Variants in GSG1L observed in about 807,000 individuals in gnomAD.
GSG1L encodes germ cell-specific gene 1-like protein.
In GSG1L, 24 loss-of-function variants were observed where a neutral mutation model predicts 42.1. The ratio of observed to expected loss-of-function variants is 0.57; its 90% CI spans 0.41 to 0.80. GSG1L has a LOEUF of 0.80. Ranked by LOEUF, GSG1L falls within the 30% of genes least tolerant of loss-of-function variation. GSG1L has a pLI of 0.00. For synonymous variants in GSG1L, 215 were observed against 203.5 expected (o/e 1.06, Z -0.48); for missense variants, 445 against 472.2 (o/e 0.94, Z 0.53).
intron 4 of GSG1L, among the ~76,000 whole-genome samples, chr16:27,830,221 T>C (rs1489345266): frequency 6.6e-6 from 1 of 152,200 alleles, no homozygotes; most frequent in African/African-American, 2.4e-5. Context: ...TGGATCCCTG[T>C]TCTTCAGTCT....
At chr16:27,832,587 GC>G (rs1373248811) in intron 4 of GSG1L, among the ~76,000 whole-genome samples, 1 of 152,196 alleles carries the variant, frequency 6.6e-6, no homozygotes, top group African/African-American at 2.4e-5. Context: ...ATTCCTGCCA[GC>G]AATGTATGAG....
At chr16:27,964,110 T>C (rs1596657853) in intron 1 of GSG1L, among the ~76,000 whole-genome samples, 1 of 152,010 alleles carries the variant, frequency 6.6e-6, no homozygotes, top group African/African-American at 2.4e-5. Flanking sequence ...GGCGGGCGGA[T>C]CATGAGGTCA....
Position 27,789,559 on chromosome 16 carries a change from C to A in GSG1L, c.*1811G>T, listed in dbSNP as rs913227247. ...TAAATAATGGATAAATGAAGAAATGCATAATGGTTGAATGGATAAGGGATG... is the reference window on the plus strand; with the variant it reads ...TAAATAATGGATAAATGAAGAAATGAATAATGGTTGAATGGATAAGGGATG... On this transcript the variant is annotated 3_prime_UTR_variant, in exon 7 of 7. Coordinates refer to ENST00000447459, the MANE Select transcript of GSG1L (RefSeq NM_001109763.2). 7.4e-5 allele frequency: 11 copies of A among 148,806 alleles called. No individual in the cohort carries two copies. Among genetic ancestry groups the A allele is most frequent in the Admixed American group, 6.7e-5 (1 of 14,996 alleles). 9.2% of individuals were successfully genotyped at this position (148,806 alleles called of 1,614,324 possible).
intron 1 of GSG1L, among the ~76,000 whole-genome samples, chr16:27,986,337 T>C (rs1454884828): frequency 6.6e-6 from 1 of 151,938 alleles, no homozygotes; most frequent in Non-Finnish European, 1.5e-5. Flanking sequence ...CCATCTCTAC[T>C]GAAAATACAA....
chr16:27,973,310 C>T (rs780730280), intron 1 of GSG1L, among the ~76,000 whole-genome samples: 4 of 151,554 alleles, frequency 2.6e-5, no homozygotes, highest in Non-Finnish European at 4.4e-5. Context: ...ATTACCCGGG[C>T]GTGGTTGTGC....
rs147189120 is a variant in GSG1L at position 27,926,023 on chromosome 16, T to A, written c.397+37133A>T. On this transcript the variant is annotated intron_variant, in intron 2 of 6. Coordinates refer to ENST00000447459, the MANE Select transcript of GSG1L (RefSeq NM_001109763.2). ...ATGGTAAAATTTGGGAAGCGTGCTC[T>A]GTGAAAGTTTTTGTTTGTTAATTGA... Among the ~76,000 whole-genome samples, 249 of 152,366 alleles carry A rather than the reference T, an allele frequency of 1.6e-3. 1 individual carries two copies. Among genetic ancestry groups the A allele is most frequent in the African/African-American group, 5.5e-3 (230 of 41,592 alleles).
intron 2 of GSG1L, chr16:27,888,103 T>C (rs1234312526): frequency 5.1e-6 from 5 of 985,456 alleles, no homozygotes; most frequent in Non-Finnish European, 6.0e-6. Flanking sequence ...CCAGCCCCTG[T>C]TGGTGCTGGC....
chr16:27,800,371 C>T (rs945917237), intron 6 of GSG1L, among the ~76,000 whole-genome samples: 6 of 152,182 alleles, frequency 3.9e-5, no homozygotes, highest in African/African-American at 1.2e-4. Context: ...GCCACCTCCG[C>T]GCCCAGCATG....
At chr16:27,832,950 A>C (rs1174026861) in intron 4 of GSG1L, among the ~76,000 whole-genome samples, 1 of 152,224 alleles carries the variant, frequency 6.6e-6, no homozygotes, top group East Asian at 1.9e-4. Context: ...CTCTTGTGGA[A>C]CAAATGTATT....
intron 1 of GSG1L, among the ~76,000 whole-genome samples, chr16:27,971,650 A>G (rs1032293374): frequency 1.3e-5 from 2 of 152,088 alleles, no homozygotes; most frequent in Admixed American, 1.3e-4. Flanking sequence ...TTCTTGCCTA[A>G]TTGCTTTGGC....
At chr16:27,885,541 A>AT (rs908134036) in intron 2 of GSG1L, among the ~76,000 whole-genome samples, 1 of 151,464 alleles carries the variant, frequency 6.6e-6, no homozygotes, top group Non-Finnish European at 1.5e-5. Flanking sequence ...CCTACCCCAC[A>AT]TTTTTTCTAG....
At chr16:28,022,346 G>A (rs959592378) in intron 1 of GSG1L, among the ~76,000 whole-genome samples, 1 of 152,094 alleles carries the variant, frequency 6.6e-6, no homozygotes, top group Non-Finnish European at 1.5e-5. Flanking sequence ...TTTTTTAGGA[G>A]ACAAGGTCTC....
intron 1 of GSG1L, among the ~76,000 whole-genome samples, chr16:27,973,074 T>G (rs1567540343): frequency 6.6e-6 from 1 of 152,140 alleles, no homozygotes; most frequent in Non-Finnish European, 1.5e-5. Context: ...ATTTCCTTGT[T>G]GGCGAAATGG....
At chr16:27,816,664 C>T (rs1002399059) in intron 5 of GSG1L, among the ~76,000 whole-genome samples, 1 of 152,180 alleles carries the variant, frequency 6.6e-6, no homozygotes, top group Non-Finnish European at 1.5e-5. Context: ...ACTGAAGGGA[C>T]CTCTATGACA....
intron 6 of GSG1L, among the ~76,000 whole-genome samples, chr16:27,804,170 G>A (rs1433109753): frequency 6.6e-6 from 1 of 151,758 alleles, no homozygotes; most frequent in African/African-American, 2.4e-5. Context: ...CCCTGCTGCA[G>A]AATCAACTTC....
At chr16:28,034,256 TCCC>T (rs2086005825) in intron 1 of GSG1L, among the ~76,000 whole-genome samples, 1 of 115,436 alleles carries the variant, frequency 8.7e-6, no homozygotes, top group Non-Finnish European at 1.7e-5. Context: ...TCCCATCCCA[TCCC>T]ATCCCATCCC....
chr16:28,028,512 A>G (rs2085924481), intron 1 of GSG1L, among the ~76,000 whole-genome samples: 1 of 151,896 alleles, frequency 6.6e-6, no homozygotes. Context: ...CAATATAACA[A>G]TAAGAATAAT....
At chr16:27,930,685 A>G (rs1276752623) in intron 2 of GSG1L, among the ~76,000 whole-genome samples, 1 of 152,214 alleles carries the variant, frequency 6.6e-6, no homozygotes, top group Non-Finnish European at 1.5e-5. Flanking sequence ...GGTCCTGAGC[A>G]TATAGTAGGT....
chr16:27,895,132 A>G (rs150651530), intron 2 of GSG1L, among the ~76,000 whole-genome samples: 189 of 152,280 alleles, frequency 1.2e-3, no homozygotes, highest in Non-Finnish European at 2.0e-3. Context: ...GCCCACAGAA[A>G]TGTCTTGTTT....
Sources: allele counts gnomAD v4.1 joint callset (sites outside exome capture counted in the v4.1 genomes callset), GRCh38; gene constraint gnomAD v4.1.1; transcripts MANE v1.5; gene names NCBI Gene and HGNC (gene_info 2026-07-23, HGNC 2026-07-21).